The following FCHSD2 variants were observed in gnomAD, a reference collection of about 807,000 sequenced individuals.
FCHSD2 encodes FCH and double SH3 domains 2, also known as F-BAR and double SH3 domains protein 2.
A neutral mutation model predicts 108.1 loss-of-function variants in FCHSD2; 38 were observed. The observed-to-expected ratio is 0.35, with a 90% CI of 0.27 to 0.46. The LOEUF is 0.46. Among genes scored for constraint, FCHSD2 ranks in the 20% least tolerant of loss-of-function variants. FCHSD2 has a pLI of 1.00. For missense variants in FCHSD2, 751 were observed against 897.8 expected, an observed-to-expected ratio of 0.84 and a Z score of 2.09; for synonymous variants, 279 against 314.7, an observed-to-expected ratio of 0.89 and a Z score of 1.20.
intron 8 of FCHSD2, among the ~76,000 whole-genome samples, chr11:72,982,176 G>A (rs757198465): frequency 1.3e-5 from 2 of 152,122 alleles, no homozygotes; most frequent in Non-Finnish European, 2.9e-5. Flanking sequence ...AAGAAAAAAC[G>A]TTTTTGCAAT....
At chr11:72,987,376 T>A (rs374911982) in intron 6 of FCHSD2, among the ~76,000 whole-genome samples, 25 of 152,352 alleles carry the variant, frequency 1.6e-4, no homozygotes, top group African/African-American at 5.1e-4. Context: ...ACATTACTAC[T>A]GCAAGTAAGT....
intron 3 of FCHSD2, among the ~76,000 whole-genome samples, chr11:73,075,426 A>C (rs1413791099): frequency 6.6e-6 from 1 of 152,226 alleles, no homozygotes; most frequent in African/African-American, 2.4e-5. Context: ...AACAACAGAC[A>C]ATGACAGGTA....
rs114049775 is a variant in FCHSD2 at position 73,050,582 on chromosome 11, C to T, written c.165+33113G>A. Among the ~76,000 whole-genome samples, 527 of 152,188 alleles carry T rather than the reference C, an allele frequency of 3.5e-3. 1 individual carries two copies. Among genetic ancestry groups the T allele is most frequent in the African/African-American group, 0.012 (505 of 41,524 alleles). On this transcript the variant is annotated intron_variant, in intron 3 of 19. Coordinates refer to ENST00000409418, the MANE Select transcript of FCHSD2 (RefSeq NM_014824.3). ...ATAGACATAGGAACCCAGGCCCCCACAATGGTTTTTCAGTAACAGGTGAAC... is the reference window on the plus strand; with the variant it reads ...ATAGACATAGGAACCCAGGCCCCCATAATGGTTTTTCAGTAACAGGTGAAC...
intron 2 of FCHSD2, among the ~76,000 whole-genome samples, chr11:73,126,370 A>AAAAAAAAAAAAAAAAAAAC (rs1860858897): frequency 6.9e-6 from 1 of 144,818 alleles, no homozygotes; most frequent in Non-Finnish European, 1.5e-5. Context: ...AAAAAAAAAA[A>AAAAAAAAAAAAAAAAAAAC]TTCCACAATA....
At chr11:72,856,462 G>A (rs1591346068) in intron 13 of FCHSD2, among the ~76,000 whole-genome samples, 1 of 152,106 alleles carries the variant, frequency 6.6e-6, no homozygotes, top group African/African-American at 2.4e-5. Context: ...GTATCAAAAT[G>A]TCCTTCTGTA....
chr11:73,034,079 A>T (rs1250697765), intron 3 of FCHSD2, among the ~76,000 whole-genome samples: 1 of 152,016 alleles, frequency 6.6e-6, no homozygotes, highest in Non-Finnish European at 1.5e-5. Flanking sequence ...CTTTTTTAAA[A>T]AATTATTTTT....
chr11:73,093,546 C>T (rs1406986167), intron 2 of FCHSD2, among the ~76,000 whole-genome samples: 1 of 152,012 alleles, frequency 6.6e-6, no homozygotes, highest in East Asian at 1.9e-4. Context: ...CCAAGATAAG[C>T]AAAATCCCTA....
At chr11:72,952,844 C>A (rs1856644116) in intron 8 of FCHSD2, among the ~76,000 whole-genome samples, 2 of 152,102 alleles carry the variant, frequency 1.3e-5, no homozygotes, top group Non-Finnish European at 2.9e-5. Flanking sequence ...CAGGATCTTA[C>A]AGTTTAAGAT....
chr11:72,941,163 A>G (rs1001635151), intron 8 of FCHSD2: 26 of 380,702 alleles, frequency 6.8e-5, no homozygotes, highest in African/African-American at 4.9e-4. Flanking sequence ...ACAGTCAAAA[A>G]AATAAATAAA....
At chr11:72,946,844 T>A (rs1377609649) in intron 8 of FCHSD2, among the ~76,000 whole-genome samples, 2 of 152,160 alleles carry the variant, frequency 1.3e-5, no homozygotes, top group Non-Finnish European at 2.9e-5. Flanking sequence ...CCTAGGGAAA[T>A]TTTTCAAGCT....
intron 8 of FCHSD2, among the ~76,000 whole-genome samples, chr11:72,953,243 G>A (rs1856650168): frequency 6.6e-6 from 1 of 152,212 alleles, no homozygotes; most frequent in South Asian, 2.1e-4. Context: ...CTAAGGTAGT[G>A]AGGTAAACTC....
chr11:73,051,494 C>A (rs1169335336), intron 3 of FCHSD2, among the ~76,000 whole-genome samples: 2 of 151,930 alleles, frequency 1.3e-5, no homozygotes, highest in African/African-American at 2.4e-5. Context: ...GTTTAATGGG[C>A]TTTCCTTGGC....
chr11:73,045,170 C>T (rs1283302870), intron 3 of FCHSD2, among the ~76,000 whole-genome samples: 2 of 151,926 alleles, frequency 1.3e-5, no homozygotes, highest in Non-Finnish European at 2.9e-5. Flanking sequence ...TGAAAAAATG[C>T]TCATCATCAC....
At chr11:73,104,329 C>A (rs773630925) in intron 2 of FCHSD2, among the ~76,000 whole-genome samples, 4 of 152,216 alleles carry the variant, frequency 2.6e-5, no homozygotes, top group Non-Finnish European at 4.4e-5. Flanking sequence ...CGCAGTGGTG[C>A]GATCTCAGCT....
intron 3 of FCHSD2, among the ~76,000 whole-genome samples, chr11:73,074,208 CA>C (rs905154462): frequency 1.3e-5 from 2 of 152,076 alleles, no homozygotes; most frequent in African/African-American, 4.8e-5. Context: ...GGAGTGCAGT[CA>C]GGGGGAATAA....
intron 2 of FCHSD2, among the ~76,000 whole-genome samples, chr11:73,137,836 G>A (rs1254955561): frequency 2.0e-5 from 3 of 152,240 alleles, no homozygotes; most frequent in Admixed American, 2.0e-4. Flanking sequence ...GCATGGGCAT[G>A]AAACGGTAGT....
chr11:73,031,850 T>C (rs1858368548), intron 3 of FCHSD2, among the ~76,000 whole-genome samples: 1 of 152,304 alleles, frequency 6.6e-6, no homozygotes, highest in East Asian at 1.9e-4. Flanking sequence ...TTAACAAGTT[T>C]TATTAAGTGC....
intron 3 of FCHSD2, among the ~76,000 whole-genome samples, chr11:73,023,880 G>A (rs1384456559): frequency 6.6e-6 from 1 of 152,112 alleles, no homozygotes; most frequent in Non-Finnish European, 1.5e-5. Flanking sequence ...AATGCATTTT[G>A]TTAAGTCAAA....
intron 5 of FCHSD2, among the ~76,000 whole-genome samples, chr11:73,000,446 T>A (rs985893752): frequency 6.6e-6 from 1 of 152,244 alleles, no homozygotes; most frequent in Non-Finnish European, 1.5e-5. Flanking sequence ...CCTATGAATT[T>A]TTTATTTCTG....
Sources: gnomAD v4.1 joint callset for allele counts (sites outside exome capture counted in the v4.1 genomes callset) on GRCh38, gnomAD v4.1.1 for gene constraint, MANE v1.5 for transcripts, NCBI Gene and HGNC (gene_info 2026-07-23, HGNC 2026-07-21) for gene names.